Variants in ADGB observed in about 807,000 individuals in gnomAD.
ADGB encodes the protein androglobin.
Under a neutral mutation model 210.5 loss-of-function variants are expected in ADGB, and 172 were observed. That is an observed-to-expected ratio of 0.82 (90% confidence interval 0.72 to 0.93). The LOEUF is 0.93. Among genes scored for constraint, ADGB ranks in the 40% least tolerant of loss-of-function variants. The pLI is 0.00. For synonymous variants in ADGB, 658 were observed against 662.7 expected, an observed-to-expected ratio of 0.99 and a Z score of 0.11; for missense variants, 2,025 against 1,964.8, an observed-to-expected ratio of 1.03 and a Z score of -0.58.
intron 3 of ADGB, among the ~76,000 whole-genome samples, chr6:146,647,063 TG>T (rs1191062143): frequency 4.2e-5 from 6 of 142,406 alleles, no homozygotes; most frequent in African/African-American, 1.6e-4. Context: ...CACTCCAGCC[TG>T]GGTGACAGAG....
intron 33 of ADGB, among the ~76,000 whole-genome samples, chr6:146,789,153 G>T (rs1583639958): frequency 6.6e-6 from 1 of 152,160 alleles, no homozygotes; most frequent in African/African-American, 2.4e-5. Flanking sequence ...TGGTTTCCAT[G>T]AATTCCTAAG....
At chr6:146,732,578 TAA>T (rs10668448) in intron 20 of ADGB, among the ~76,000 whole-genome samples, 1 of 148,588 alleles carries the variant, frequency 6.7e-6, no homozygotes, top group Non-Finnish European at 1.5e-5. Context: ...GCTATTTTGG[TAA>T]AAAAAAAAAA....
At chr6:146,787,057 G>A (rs544606960) in intron 32 of ADGB, among the ~76,000 whole-genome samples, 1 of 152,120 alleles carries the variant, frequency 6.6e-6, no homozygotes, top group Non-Finnish European at 1.5e-5. Flanking sequence ...AACTTGATTT[G>A]ATATCAAGTG....
chr6:146,782,316 C>A, intron 30 of ADGB, 124 bp downstream of exon 30: 1 of 1,010,908 alleles, frequency 9.9e-7, no homozygotes, highest in Non-Finnish European at 1.4e-6. Flanking sequence ...CAGAAACCAT[C>A]TAGATACTTT....
intron 1 of ADGB, among the ~76,000 whole-genome samples, chr6:146,620,641 G>GA (rs1780875054): frequency 6.6e-6 from 1 of 151,634 alleles, no homozygotes; most frequent in Non-Finnish European, 1.5e-5. Flanking sequence ...TTTGGTTTTT[G>GA]AAAAATTGTT....
chr6:146,627,039 T>C (rs1031213019), intron 1 of ADGB, among the ~76,000 whole-genome samples: 1 of 152,098 alleles, frequency 6.6e-6, no homozygotes, highest in African/African-American at 2.4e-5. Context: ...GTGTTTTCTT[T>C]CCTCTCATTT....
At chr6:146,703,056 T>C (rs981909227) in intron 13 of ADGB, among the ~76,000 whole-genome samples, 9 of 151,934 alleles carry the variant, frequency 5.9e-5, no homozygotes, top group African/African-American at 1.7e-4. Flanking sequence ...CAGCTTTGTA[T>C]ACATTTACTG....
chr6:146,717,749 A>G, intron 16 of ADGB, 150 bp downstream of exon 16: 1 of 427,212 alleles, frequency 2.3e-6, no homozygotes, highest in South Asian at 4.7e-5. Flanking sequence ...ACTAATCCTT[A>G]TCCAAGCAAT....
chr6:146,603,013 G>T (rs866055017), intron 1 of ADGB, among the ~76,000 whole-genome samples: 4 of 152,102 alleles, frequency 2.6e-5, no homozygotes, highest in Admixed American at 6.5e-5. Flanking sequence ...GAGAGAGAAG[G>T]CTAGTTAGTT....
intron 28 of ADGB, among the ~76,000 whole-genome samples, chr6:146,767,037 TA>T (rs1777586804): frequency 1.3e-5 from 2 of 152,186 alleles, no homozygotes; most frequent in African/African-American, 4.8e-5. Context: ...CTTAGCAAAC[TA>T]GGCATAGGAG....
rs896180025 is a variant in ADGB, at chr6:146,782,037, G to C, written c.3880G>C (p.Glu1294Gln). Residue 1294 changes from glutamate to glutamine, a missense_variant, in exon 30 of 36, where the codon GAG becomes CAG. By Grantham distance (29) the Glu-to-Gln change is conservative. Transcript: ENST00000397944. ...SNTKAYGERH[E>Q]ELINLGSPDS... Reference sequence around the variant, plus strand: ...CTCTCTAGCTTATGGTGAAAGACACGAGGAGTTAATTAACTTAGGAAGCCC... The same window carrying C: ...CTCTCTAGCTTATGGTGAAAGACACCAGGAGTTAATTAACTTAGGAAGCCC... 4.1e-5 allele frequency: 62 copies of C among 1,494,032 alleles called. No homozygotes were observed. The highest frequency in any genetic ancestry group is 1.1e-4 in the African/African-American group (8 of 69,764). 92.5% of individuals were successfully genotyped at this position (1,494,032 alleles called of 1,614,324 possible). A position where few individuals can be genotyped will look rare whatever the true frequency, so the allele number is the denominator to read the frequency against.
intron 5 of ADGB, among the ~76,000 whole-genome samples, chr6:146,658,944 G>A (rs1562267043): frequency 1.3e-5 from 2 of 152,168 alleles, no homozygotes; most frequent in African/African-American, 4.8e-5. Context: ...ATTTTGGTAG[G>A]CATGTGATAG....
Position 146,648,040 on chromosome 6 carries a change from G to T in ADGB, c.330+3175G>T, listed in dbSNP as rs139214336. 7.4e-3 allele frequency among the ~76,000 whole-genome samples: 1,127 copies of T among 152,012 alleles called. 6 individuals are homozygous for T. Among genetic ancestry groups the T allele is most frequent in the Admixed American group, 0.014 (213 of 15,274 alleles). On this transcript the variant is annotated intron_variant, in intron 3 of 35. Transcript: ENST00000397944. ...GTCACAACTTACACAGACCATATAT[G>T]ACACATTTGGACTTTCTTGTTTTAT...
chr6:146,698,515 A>C (rs779271831), intron 12 of ADGB, among the ~76,000 whole-genome samples: 4 of 152,142 alleles, frequency 2.6e-5, no homozygotes, highest in Non-Finnish European at 5.9e-5. Flanking sequence ...ATATTCTTCA[A>C]ATATTTTACC....
chr6:146,642,898 C>T (rs752590577), intron 2 of ADGB, among the ~76,000 whole-genome samples: 2 of 151,614 alleles, frequency 1.3e-5, no homozygotes, highest in African/African-American at 2.4e-5. Context: ...TCTTATGTAC[C>T]CCCAATTATA....
intron 26 of ADGB, 86 bp downstream of exon 26, chr6:146,746,195 G>C: frequency 9.9e-7 from 1 of 1,009,670 alleles, no homozygotes. Flanking sequence ...GTAAAATCCT[G>C]AGTCGGTTTT....
chr6:146,749,882 G>A lies in ADGB; in HGVS notation c.3366-2648G>A, dbSNP rs544880770. On this transcript the variant is annotated intron_variant, in intron 26 of 35. Transcript: ENST00000397944. ...ACACTTTCAAACAACCAGATCTCAT[G>A]AGAACTCACTCACTATCATGAGGAC... is the stretch of plus-strand genomic sequence containing the variant. 3.9e-5 allele frequency among the ~76,000 whole-genome samples: 6 copies of A among 152,186 alleles called. No individual in the cohort carries two copies. The South Asian group carries it at 1.2e-3, about 32-fold the overall frequency.
chr6:146,782,034 C>T lies in ADGB; in HGVS notation c.3877C>T (p.His1293Tyr). ...KSNTKAYGER[H>Y]EELINLGSPD... is the part of the protein sequence containing the mutation. ...TGTCTCTCTAGCTTATGGTGAAAGA[C>T]ACGAGGAGTTAATTAACTTAGGAAG... The change falls in exon 30 of 36, where the codon CAC becomes TAC. Residue 1293 changes from histidine to tyrosine, a missense_variant. By Grantham distance (83) the His-to-Tyr change is moderately conservative (BLOSUM62 2). Transcript: ENST00000397944. The T allele has an allele frequency of 6.7e-7, 1 of 1,496,076 alleles. No homozygotes were observed. The highest frequency in any genetic ancestry group is 8.9e-7 in the Non-Finnish European group (1 of 1,127,798). The allele number at this position is 1,496,076 out of a possible 1,614,324, so 92.7% of individuals were successfully genotyped here.
chr6:146,648,157 T>C (rs1775648691), intron 3 of ADGB, among the ~76,000 whole-genome samples: 1 of 152,130 alleles, frequency 6.6e-6, no homozygotes. Flanking sequence ...TATAACCTTT[T>C]TTAACCAAAA....
Sources: allele counts gnomAD v4.1 joint callset (sites outside exome capture counted in the v4.1 genomes callset), GRCh38; gene constraint gnomAD v4.1.1; transcripts MANE v1.5; gene names NCBI Gene and HGNC (gene_info 2026-07-23, HGNC 2026-07-21).